Variants in USP32 observed in about 807,000 individuals in gnomAD.
The protein encoded by USP32 is ubiquitin carboxyl-terminal hydrolase 32.
A neutral mutation model predicts 204.8 loss-of-function variants in USP32; 59 were observed. The observed-to-expected ratio is 0.29, with a 90% CI of 0.23 to 0.36. USP32 has a LOEUF of 0.36. Ranked by LOEUF, USP32 falls within the 10% of genes least tolerant of loss-of-function variation. USP32 has a pLI of 1.00. For missense variants in USP32, 1,160 were observed against 1,946.4 expected, an observed-to-expected ratio of 0.60 and a Z score of 7.60; for synonymous variants, 517 against 678.4, an observed-to-expected ratio of 0.76 and a Z score of 3.70.
chr17:60,343,756 G>T lies in USP32; in HGVS notation c.186+1725C>A, dbSNP rs559521428. Among the ~76,000 whole-genome samples the T allele has an allele frequency of 3.1e-4, 47 of 152,348 alleles. No homozygotes were observed. The South Asian group carries it at 6.6e-3, about 21-fold the overall frequency. ...AATTAAAAGAACTAGAGAAGGCCAG[G>T]CATGGTGGCTCACGCCTGCAATCCC... On this transcript the variant is annotated intron_variant, in intron 2 of 33. Transcript: ENST00000300896.
chr17:60,284,942 C>T (rs2087072518), intron 5 of USP32, among the ~76,000 whole-genome samples: 1 of 152,178 alleles, frequency 6.6e-6, no homozygotes, highest in Admixed American at 6.5e-5. Context: ...ACCACCTCAC[C>T]TTAATCCTTG....
At chr17:60,244,711 AACCTCTGCCT>A (rs1287332750) in intron 11 of USP32, among the ~76,000 whole-genome samples, 2 of 152,198 alleles carry the variant, frequency 1.3e-5, no homozygotes, top group East Asian at 3.8e-4. Context: ...AGCTTACTGC[AACCTCTGCCT>A]CCTGGGTTCA....
chr17:60,273,489 G>T (rs547850938), intron 5 of USP32, among the ~76,000 whole-genome samples: 129 of 152,082 alleles, frequency 8.5e-4, no homozygotes, highest in Non-Finnish European at 1.7e-3. Flanking sequence ...AACAATCCTG[G>T]AAAATATGGT....
chr17:60,421,246 C>A, intron 1 of USP32: 1 of 567,336 alleles, frequency 1.8e-6, no homozygotes, highest in South Asian at 7.7e-5. Flanking sequence ...CCTCCCCTTA[C>A]AACAACAACA....
intron 16 of USP32, among the ~76,000 whole-genome samples, chr17:60,215,825 C>T (rs1305096217): frequency 1.3e-5 from 2 of 152,088 alleles, no homozygotes; most frequent in Non-Finnish European, 2.9e-5. Flanking sequence ...GCAATCATGG[C>T]TCACTGCAGC....
Position 60,222,500 on chromosome 17 carries a change from A to T in USP32, c.1658T>A (p.Leu553Gln). 1 of 1,614,154 alleles carries T rather than the reference A, an allele frequency of 6.2e-7. No homozygotes were observed. Among genetic ancestry groups the T allele is most frequent in the Non-Finnish European group, 8.5e-7 (1 of 1,180,014 alleles). The change falls in exon 15 of 34, where the codon CTG (leucine) becomes CAG (glutamine). Residue 553 changes from leucine to glutamine, a missense_variant. Around this residue, in one of 8 missense-constraint regions of USP32, gnomAD observed 536 missense variants for 680.9 expected, o/e 0.79. Coordinates refer to ENST00000300896, the MANE Select transcript of USP32 (RefSeq NM_032582.4). ...EGGRLKRTPQ[L>Q]IHGRDYEMVP... The stretch of plus-strand genomic sequence containing the variant: ...CATTTCATAGTCTCTTCCATGAATC[A>T]GCTGTGGAGTTCGTTTTAATCGTCC...
intron 1 of USP32, among the ~76,000 whole-genome samples, chr17:60,350,495 G>C (rs559708305): frequency 6.6e-6 from 1 of 152,006 alleles, no homozygotes; most frequent in African/African-American, 2.4e-5. Context: ...CACCACGTTG[G>C]CCAGGCTGGT....
chr17:60,178,206 T>G lies in USP32; in HGVS notation c.*1049A>C, dbSNP rs1250316660. ...AACTCCTAATGTCTGGGATGTGTTT[T>G]GTTTGTAATTTATAGCCCTTAGAGC... On this transcript the variant is annotated 3_prime_UTR_variant, in exon 34 of 34. Coordinates refer to ENST00000300896, the MANE Select transcript of USP32 (RefSeq NM_032582.4). Among the ~76,000 whole-genome samples, 2 of 152,230 alleles carry G rather than the reference T, an allele frequency of 1.3e-5. No homozygotes were observed. The highest frequency in any genetic ancestry group is 3.8e-4 in the East Asian group (2 of 5,202).
At chr17:60,282,378 G>A (rs993222832) in intron 5 of USP32, among the ~76,000 whole-genome samples, 8 of 151,696 alleles carry the variant, frequency 5.3e-5, no homozygotes, top group East Asian at 3.9e-4. Flanking sequence ...TTATTGAGAC[G>A]GGGTCTCGCT....
chr17:60,397,078 T>C, upstream of USP32, among the ~76,000 whole-genome samples: 1 of 152,216 alleles, frequency 6.6e-6, no homozygotes, highest in Admixed American at 6.5e-5. Flanking sequence ...TAGGCCAGTC[T>C]CTTTCAGCAA....
chr17:60,350,080 C>A (rs2088913760), intron 1 of USP32, among the ~76,000 whole-genome samples: 1 of 151,640 alleles, frequency 6.6e-6, no homozygotes, highest in African/African-American at 2.4e-5. Context: ...GTGGCATGAT[C>A]TCAGCCACTG....
chr17:60,189,966 C>T (rs1167856129), intron 29 of USP32, among the ~76,000 whole-genome samples: 1 of 152,146 alleles, frequency 6.6e-6, no homozygotes, highest in Non-Finnish European at 1.5e-5. Flanking sequence ...TTATTTGTCT[C>T]CATCAAAATG....
intron 17 of USP32, among the ~76,000 whole-genome samples, 190 bp from the exon 18 acceptor site, chr17:60,213,852 T>C (rs1183416294): frequency 6.6e-6 from 1 of 152,346 alleles, no homozygotes; most frequent in East Asian, 1.9e-4. Flanking sequence ...AGACAATGTG[T>C]ACTTCATAAG....
intron 5 of USP32, among the ~76,000 whole-genome samples, chr17:60,278,644 C>T (rs1034217926): frequency 2.0e-5 from 3 of 151,862 alleles, no homozygotes; most frequent in African/African-American, 7.3e-5. Context: ...ATACCATGGA[C>T]CCAAGATAAA....
Position 60,250,454 on chromosome 17 carries a change from T to C in USP32, c.1136+1927A>G, listed in dbSNP as rs374306740. Among the ~76,000 whole-genome samples, 10 of 152,140 alleles carry C rather than the reference T, an allele frequency of 6.6e-5. No individual in the cohort carries two copies. In the East Asian group the frequency reaches 9.6e-4, roughly 15 times the overall value. ...GAATATATTACTATAATAAATTAGA[T>C]TGTAATATTCTAAGAAAAAAAGTCA... On this transcript the variant is annotated intron_variant, in intron 11 of 33. Transcript: ENST00000300896.
At chr17:60,313,080 G>A (rs538104941) in intron 2 of USP32, among the ~76,000 whole-genome samples, 70 of 152,110 alleles carry the variant, frequency 4.6e-4, no homozygotes, top group African/African-American at 1.5e-3. Flanking sequence ...GTGAAACCTC[G>A]TCTCTACTAA....
intron 26 of USP32, among the ~76,000 whole-genome samples, chr17:60,200,792 A>G (rs940326297): frequency 2.0e-5 from 3 of 152,178 alleles, no homozygotes; most frequent in African/African-American, 7.2e-5. Flanking sequence ...AATAAACACT[A>G]GATTTCATTT....
At chr17:60,222,323 T>C (rs900118400) in intron 15 of USP32, 86 bp downstream of exon 15, 16 of 1,467,066 alleles carry the variant, frequency 1.1e-5, no homozygotes, top group Non-Finnish European at 1.3e-5. Context: ...AGCTACTTTG[T>C]GGTTAGTGAG....
chr17:60,278,615 A>T (rs2086894102), intron 5 of USP32, among the ~76,000 whole-genome samples: 2 of 152,208 alleles, frequency 1.3e-5, no homozygotes, highest in Admixed American at 1.3e-4. Flanking sequence ...AAGAAAAAGG[A>T]TCACCTATAG....
Sources: allele counts gnomAD v4.1 joint callset (sites outside exome capture counted in the v4.1 genomes callset), GRCh38; gene constraint gnomAD v4.1.1; regional missense constraint gnomAD v4.1.1; transcripts MANE v1.5; gene names NCBI Gene and HGNC (gene_info 2026-07-23, HGNC 2026-07-21).